Variants in EPM2A observed in about 807,000 individuals in gnomAD.
The protein encoded by EPM2A is laforin.
Under a neutral mutation model 26.5 loss-of-function variants are expected in EPM2A, and 21 were observed. The ratio of observed to expected loss-of-function variants is 0.79; its 90% confidence interval spans 0.56 to 1.14. EPM2A has a LOEUF of 1.14. EPM2A is among the 50% of genes most tolerant of loss of function. The pLI is 0.00. For missense variants in EPM2A, 458 were observed against 440.8 expected (o/e 1.04, Z -0.35); for synonymous variants, 217 against 177.6 (o/e 1.22, Z -1.76).
At chr6:145,731,516 A>C (rs1410159924) in intron 1 of EPM2A, among the ~76,000 whole-genome samples, 1 of 152,210 alleles carries the variant, frequency 6.6e-6, no homozygotes, top group Non-Finnish European at 1.5e-5. Flanking sequence ...GACTAATGAG[A>C]ACACAGGAAA....
intron 4 of EPM2A, among the ~76,000 whole-genome samples, chr6:145,445,390 G>A (rs1193063106): frequency 2.0e-5 from 3 of 152,144 alleles, no homozygotes; most frequent in Non-Finnish European, 4.4e-5. Flanking sequence ...TTGTCTTCCA[G>A]GTAGTCATCA....
chr6:145,692,895 C>T (rs1395019657), intron 1 of EPM2A, among the ~76,000 whole-genome samples: 2 of 151,878 alleles, frequency 1.3e-5, no homozygotes, highest in South Asian at 2.1e-4. Context: ...TTTGGCTATT[C>T]GAGCTCTTTT....
intron 2 of EPM2A, among the ~76,000 whole-genome samples, chr6:145,642,230 T>A (rs750810485): frequency 6.6e-6 from 1 of 152,200 alleles, no homozygotes. Context: ...ACTATTGGTT[T>A]GTTAATGTTG....
chr6:145,384,913 G>A (rs1562314995), intron 4 of EPM2A, among the ~76,000 whole-genome samples: 2 of 147,444 alleles, frequency 1.4e-5, no homozygotes, highest in African/African-American at 2.5e-5. Context: ...ATAAGACAAC[G>A]ACTAGGCATC....
intron 2 of EPM2A, among the ~76,000 whole-genome samples, chr6:145,530,010 G>C (rs1474924986): frequency 6.6e-6 from 1 of 152,160 alleles, no homozygotes. Flanking sequence ...AACCACCAAA[G>C]AAAATGATCA....
At chr6:145,617,803 A>G (rs780764616) in intron 2 of EPM2A, among the ~76,000 whole-genome samples, 4 of 152,134 alleles carry the variant, frequency 2.6e-5, no homozygotes, top group Admixed American at 2.0e-4. Context: ...TTAGCCTAGT[A>G]TGATGGCAAA....
chr6:145,541,379 G>T (rs1424819025), intron 2 of EPM2A, among the ~76,000 whole-genome samples: 2 of 150,218 alleles, frequency 1.3e-5, no homozygotes, highest in Admixed American at 6.7e-5. Context: ...GTTCTATATT[G>T]GAATAAATCA....
intron 1 of EPM2A, among the ~76,000 whole-genome samples, chr6:145,706,170 T>C (rs947652452): frequency 6.6e-6 from 1 of 152,172 alleles, no homozygotes; most frequent in Non-Finnish European, 1.5e-5. Flanking sequence ...TGTAAATCCA[T>C]AAGAGCTGCC....
intron 4 of EPM2A, among the ~76,000 whole-genome samples, chr6:145,389,973 T>C (rs1778315741): frequency 6.6e-6 from 1 of 152,188 alleles, no homozygotes; most frequent in South Asian, 2.1e-4. Flanking sequence ...TGTTTTCTTA[T>C]TTTGTGTATA....
At chr6:145,498,947 C>G (rs1003127288), downstream of EPM2A, among the ~76,000 whole-genome samples, 1 of 152,094 alleles carries the variant, frequency 6.6e-6, no homozygotes, top group East Asian at 1.9e-4. Flanking sequence ...GTCAATTTCT[C>G]TCTATTCCCT....
intron 2 of EPM2A, among the ~76,000 whole-genome samples, chr6:145,603,357 T>G (rs1220912162): frequency 6.6e-6 from 1 of 152,042 alleles, no homozygotes; most frequent in East Asian, 1.9e-4. Flanking sequence ...GGATGAGAAG[T>G]TATTCTTGCC....
intron 2 of EPM2A, among the ~76,000 whole-genome samples, chr6:145,642,989 C>T (rs1777199224): frequency 6.6e-6 from 1 of 152,026 alleles, no homozygotes; most frequent in Non-Finnish European, 1.5e-5. Context: ...GATTGGGTAG[C>T]AGGTGTAGCA....
intron 2 of EPM2A, among the ~76,000 whole-genome samples, chr6:145,612,333 T>G (rs984272694): frequency 1.3e-5 from 2 of 152,182 alleles, no homozygotes; most frequent in Non-Finnish European, 2.9e-5. Context: ...TGGGTAGAAA[T>G]ACAAAGCAGA....
intron 2 of EPM2A, among the ~76,000 whole-genome samples, chr6:145,576,300 G>A (rs1016566286): frequency 1.1e-4 from 17 of 152,274 alleles, no homozygotes; most frequent in Non-Finnish European, 1.8e-4. Flanking sequence ...GCTGCTCTCC[G>A]CTGTTGCACA....
At position 145,422,551 on chromosome 6, in the gene EPM2A, A is replaced by G. The variant is rs1225969291; in HGVS notation, c.556-38454T>C. 2.0e-5 allele frequency among the ~76,000 whole-genome samples: 3 copies of G among 151,850 alleles called. No individual in the cohort carries two copies. The East Asian group carries it at 5.8e-4, about 29-fold the overall frequency. On this transcript the variant is annotated intron_variant, in intron 4 of 4. Transcript: ENST00000638717. The stretch of plus-strand genomic sequence containing the variant: ...GAAATGTTATTCAAACTGCACTCTA[A>G]TCCACATAAATTAATCTCAAGTCAG...
chr6:145,496,779 G>A (rs999788874), downstream of EPM2A, among the ~76,000 whole-genome samples: 36 of 128,466 alleles, frequency 2.8e-4, no homozygotes, highest in African/African-American at 8.3e-4. Flanking sequence ...CGCCCAGGCC[G>A]GACTGTGGAC....
chr6:145,548,519 T>C (rs1299061360), intron 2 of EPM2A, among the ~76,000 whole-genome samples: 1 of 152,108 alleles, frequency 6.6e-6, no homozygotes, highest in Non-Finnish European at 1.5e-5. Context: ...ATAACAACCT[T>C]GAAGCGGGAC....
At chr6:145,494,300 G>C (rs983345731) in intron 4 of EPM2A, among the ~76,000 whole-genome samples, 1 of 152,112 alleles carries the variant, frequency 6.6e-6, no homozygotes, top group Non-Finnish European at 1.5e-5. Context: ...TCTGGTGTTT[G>C]TTGGTATTTC....
exon 5 of EPM2A, chr6:145,383,695 G>T (rs1204921580): frequency 6.6e-6 from 1 of 152,170 alleles, no homozygotes; most frequent in Non-Finnish European, 1.5e-5. Flanking sequence ...CAGAGACACA[G>T]ATCCAGACAA....
Sources: gnomAD v4.1 joint callset for allele counts (sites outside exome capture counted in the v4.1 genomes callset) on GRCh38, gnomAD v4.1.1 for gene constraint, MANE v1.5 for transcripts, NCBI Gene and HGNC (gene_info 2026-07-23, HGNC 2026-07-21) for gene names.